The following CACNG3 variants were observed in gnomAD, a reference collection of about 807,000 sequenced individuals.
CACNG3 encodes calcium voltage-gated channel auxiliary subunit gamma 3.
Under a neutral mutation model 28.5 loss-of-function variants are expected in CACNG3, and 3 were observed. That is an observed-to-expected ratio of 0.11 (90% confidence interval 0.05 to 0.27). The LOEUF (loss-of-function observed/expected upper bound fraction) is 0.27, where lower values mean the gene tolerates loss of function less well. CACNG3 is among the 10% of genes least tolerant of loss of function. The pLI, the probability that CACNG3 is intolerant of heterozygous loss-of-function variation, is 1.00. For synonymous variants in CACNG3, 174 were observed against 162.2 expected, an observed-to-expected ratio of 1.07 and a Z score of -0.55; for missense variants, 236 against 414.4, an observed-to-expected ratio of 0.57 and a Z score of 3.74.
intron 1 of CACNG3, among the ~76,000 whole-genome samples, chr16:24,317,546 A>G (rs1335127080): frequency 7.2e-6 from 1 of 139,622 alleles, no homozygotes; most frequent in Non-Finnish European, 1.5e-5. Context: ...TCTCAAAAAA[A>G]AAAAAGAAAA....
chr16:24,292,841 A>G (rs1250710315), intron 1 of CACNG3, among the ~76,000 whole-genome samples: 1 of 152,238 alleles, frequency 6.6e-6, no homozygotes, highest in African/African-American at 2.4e-5. Context: ...GAAAAATGAC[A>G]TGGATTAGGG....
At chr16:24,286,565 A>C (rs1205550079) in intron 1 of CACNG3, among the ~76,000 whole-genome samples, 1 of 152,184 alleles carries the variant, frequency 6.6e-6, no homozygotes, top group Admixed American at 6.5e-5. Context: ...TGCCATCGCC[A>C]TGCTGGCCCC....
In CACNG3 at chr16:24,301,757, C is replaced by T. The variant is rs576624851; in HGVS notation, c.211+44792C>T. Among the ~76,000 whole-genome samples, 6 of 152,298 alleles carry T rather than the reference C, an allele frequency of 3.9e-5. No homozygotes were observed. In the South Asian group the frequency reaches 1.0e-3, roughly 26 times the overall value. ...AAACCATACTTCCTTCCTTCATCTT[C>T]GCATGCAGCATTCATCTCTCACCCA... On this transcript the variant is annotated intron_variant, in intron 1 of 3. Transcript: ENST00000005284.
intron 1 of CACNG3, among the ~76,000 whole-genome samples, chr16:24,276,155 A>C (rs936915076): frequency 6.6e-6 from 1 of 152,240 alleles, no homozygotes; most frequent in African/African-American, 2.4e-5. Context: ...ATAAGAATCT[A>C]TCTCTCTTCT....
intron 1 of CACNG3, among the ~76,000 whole-genome samples, chr16:24,258,577 A>G (rs960348407): frequency 1.1e-4 from 16 of 152,366 alleles, no homozygotes; most frequent in African/African-American, 3.6e-4. Context: ...TTCCTAAACA[A>G]TGACAAAAGT....
intron 1 of CACNG3, among the ~76,000 whole-genome samples, chr16:24,334,248 T>TGG (rs1899671088): frequency 6.6e-6 from 1 of 152,174 alleles, no homozygotes; most frequent in South Asian, 2.1e-4. Flanking sequence ...GCCTGGAATG[T>TGG]GGTTGCACTG....
intron 1 of CACNG3, among the ~76,000 whole-genome samples, chr16:24,331,149 G>C (rs142612446): frequency 1.0e-3 from 157 of 152,230 alleles, no homozygotes; most frequent in Non-Finnish European, 2.1e-3. Context: ...ATGCCCTGTG[G>C]TCTAGGCTAG....
intron 1 of CACNG3, among the ~76,000 whole-genome samples, chr16:24,300,864 C>A (rs1899099728): frequency 6.6e-6 from 1 of 151,966 alleles, no homozygotes; most frequent in Non-Finnish European, 1.5e-5. Context: ...CCAGCTTGGC[C>A]AACATGAAAC....
chr16:24,334,799 C>T (rs991059353), intron 1 of CACNG3, among the ~76,000 whole-genome samples: 1 of 152,166 alleles, frequency 6.6e-6, no homozygotes, highest in South Asian at 2.1e-4. Context: ...TCTATTCCCT[C>T]CCGGGAGTGA....
At chr16:24,333,119 G>C (rs1899653910) in intron 1 of CACNG3, among the ~76,000 whole-genome samples, 1 of 152,110 alleles carries the variant, frequency 6.6e-6, no homozygotes, top group Admixed American at 6.5e-5. Context: ...TGCTGTGAAA[G>C]TCAAACTTTA....
At chr16:24,321,080 A>G (rs2141369854) in intron 1 of CACNG3, among the ~76,000 whole-genome samples, 1 of 152,242 alleles carries the variant, frequency 6.6e-6, no homozygotes, top group Non-Finnish European at 1.5e-5. Flanking sequence ...GTGTGATGAA[A>G]TCTTGCACCA....
intron 1 of CACNG3, among the ~76,000 whole-genome samples, chr16:24,344,823 A>G (rs1380081160): frequency 1.3e-5 from 2 of 152,230 alleles, no homozygotes; most frequent in African/African-American, 2.4e-5. Context: ...AGATCATAAT[A>G]GACATCATGA....
At chr16:24,299,052 T>A (rs926165417) in intron 1 of CACNG3, among the ~76,000 whole-genome samples, 1 of 152,068 alleles carries the variant, frequency 6.6e-6, no homozygotes, top group African/African-American at 2.4e-5. Context: ...TACTTTTTTT[T>A]CCCCCTTTCC....
At chr16:24,352,373 C>T (rs1298601427) in intron 2 of CACNG3, among the ~76,000 whole-genome samples, 2 of 152,160 alleles carry the variant, frequency 1.3e-5, no homozygotes, top group African/African-American at 2.4e-5. Context: ...AAACGCAACT[C>T]GCAGCCCACG....
At chr16:24,286,785 G>A (rs1433699919) in intron 1 of CACNG3, among the ~76,000 whole-genome samples, 1 of 152,206 alleles carries the variant, frequency 6.6e-6, no homozygotes, top group African/African-American at 2.4e-5. Flanking sequence ...CAACTGGTAG[G>A]TGGTATAGCT....
At chr16:24,260,431 G>A (rs989896174) in intron 1 of CACNG3, among the ~76,000 whole-genome samples, 14 of 152,142 alleles carry the variant, frequency 9.2e-5, no homozygotes, top group African/African-American at 3.4e-4. Flanking sequence ...AGTTGTGTAG[G>A]TACTATTATT....
rs375839162 is a variant in CACNG3, at chr16:24,344,646, T to A, written c.212-2088T>A. On this transcript the variant is annotated intron_variant, in intron 1 of 3. Transcript: ENST00000005284. ...TTTTTTCTAAGAATTTCCTTGAGTC[T>A]TCTCTCCTGAACCTCCTTCCTGGTT... is the stretch of plus-strand genomic sequence containing the variant. Among the ~76,000 whole-genome samples, 216 of 152,304 alleles carry A rather than the reference T, an allele frequency of 1.4e-3. 7 individuals are homozygous for A. The South Asian group carries it at 0.044, about 31-fold the overall frequency.
chr16:24,329,657 G>A (rs1380950573), intron 1 of CACNG3, among the ~76,000 whole-genome samples: 2 of 152,076 alleles, frequency 1.3e-5, no homozygotes, highest in Non-Finnish European at 2.9e-5. Flanking sequence ...TCACATTAGG[G>A]TCAAAAATAA....
At chr16:24,288,839 T>A (rs912459846) in intron 1 of CACNG3, among the ~76,000 whole-genome samples, 1 of 152,084 alleles carries the variant, frequency 6.6e-6, no homozygotes, top group Admixed American at 6.6e-5. Context: ...ATGATTGAGC[T>A]GATTCACACT....
Sources: allele counts gnomAD v4.1 joint callset (sites outside exome capture counted in the v4.1 genomes callset), GRCh38; gene constraint gnomAD v4.1.1; transcripts MANE v1.5; gene names NCBI Gene and HGNC (gene_info 2026-07-23, HGNC 2026-07-21).